The following NR2E1 variants were observed in gnomAD, a reference collection of about 807,000 sequenced individuals.
NR2E1 encodes nuclear receptor subfamily 2 group E member 1.
A neutral mutation model predicts 43.6 loss-of-function variants in NR2E1; 5 were observed. That is an observed-to-expected ratio of 0.11 (90% CI 0.06 to 0.24). The LOEUF (loss-of-function observed/expected upper bound fraction) is 0.24, where lower values mean the gene tolerates loss of function less well. Among genes scored for constraint, NR2E1 ranks in the 10% least tolerant of loss-of-function variants. The pLI, the probability that NR2E1 is intolerant of heterozygous loss-of-function variation, is 1.00. For missense variants in NR2E1, 287 were observed against 496.7 expected, an observed-to-expected ratio of 0.58 and a Z score of 4.01; for synonymous variants, 191 against 195.5, an observed-to-expected ratio of 0.98 and a Z score of 0.19.
In NR2E1 at chr6:108,171,800, T is replaced by C. The variant is rs959564231; in HGVS notation, c.171+197T>C. On this transcript the variant is annotated intron_variant, in intron 2 of 8. Transcript: ENST00000368986. ...AAAGGCGGGAAGAGGTAAGGGAAGA[T>C]ATGAGTTTACAGGAGGGAGTCTGAA... 6.6e-5 allele frequency among the ~76,000 whole-genome samples: 10 copies of C among 152,038 alleles called. No homozygotes were observed. In the East Asian group the frequency reaches 1.9e-3, roughly 30 times the overall value.
At position 108,171,431 on chromosome 6, in the gene NR2E1, C is replaced by A. The variant is rs2233489; in HGVS notation, c.26-27C>A. The stretch of plus-strand genomic sequence containing the variant: ...CTCCTTTCCCTCTCGCCCCTTCCCC[C>A]CTTCCCCGTCTTTCCTGCGATTTCA... On this transcript the variant is annotated intron_variant, in intron 1 of 8. Coordinates refer to ENST00000368986, the MANE Select transcript of NR2E1 (RefSeq NM_003269.5). 4 of 1,613,630 alleles carry A rather than the reference C, an allele frequency of 2.5e-6. 1 individual carries two copies. Among genetic ancestry groups the A allele is most frequent in the South Asian group, 2.2e-5 (2 of 91,070 alleles).
chr6:108,175,521 G>T (rs977074760), intron 3 of NR2E1, among the ~76,000 whole-genome samples: 1 of 152,234 alleles, frequency 6.6e-6, no homozygotes, highest in South Asian at 2.1e-4. Context: ...ACGCCCGTGG[G>T]TGCCTCGGAC....
intron 5 of NR2E1, among the ~76,000 whole-genome samples, chr6:108,179,492 CTGTGTGTGTGTG>C (rs34907033): frequency 6.3e-4 from 83 of 131,430 alleles, no homozygotes; most frequent in Admixed American, 1.4e-3. Context: ...TAACCACTTC[CTGTGTGTGTGTG>C]TGTGTGTGTG....
intron 1 of NR2E1, among the ~76,000 whole-genome samples, chr6:108,170,895 AC>A (rs1313600644): frequency 1.3e-5 from 2 of 152,154 alleles, no homozygotes; most frequent in African/African-American, 4.8e-5. Flanking sequence ...AATTACCACT[AC>A]CCTTATTATC....
In NR2E1 at chr6:108,166,940, A is replaced by G; in HGVS notation, c.25+150A>G. The G allele has an allele frequency of 1.2e-6, 1 of 851,398 alleles. No homozygotes were observed. The highest frequency in any genetic ancestry group is 1.5e-5 in the South Asian group (1 of 68,096). The allele number at this position is 851,398 out of a possible 1,614,324, so 52.7% of individuals were successfully genotyped here. On this transcript the variant is annotated intron_variant, in intron 1 of 8. Transcript: ENST00000368986. This position sits in a 1 kb window ranked among gnomAD's most constrained non-coding sequence, Gnocchi z 7.2. ...GTGTGCGTTCGGCCCAGACCTGTAG[A>G]CCGTGAGTTGGAGCATTTCGTGGAG...
chr6:108,173,424 C>T (rs1305542432), intron 2 of NR2E1, among the ~76,000 whole-genome samples: 3 of 152,202 alleles, frequency 2.0e-5, no homozygotes, highest in African/African-American at 7.2e-5. Flanking sequence ...TATCTCCTTT[C>T]TCTCTTATTC....
intron 2 of NR2E1, 38 bp downstream of exon 2, chr6:108,171,641 G>A (rs1366759690): frequency 1.2e-6 from 2 of 1,612,782 alleles, no homozygotes; most frequent in African/African-American, 1.3e-5. Context: ...GCTCCGCTCT[G>A]CTGCCTCCTC....
intron 1 of NR2E1, chr6:108,168,192 A>T: frequency 6.4e-7 from 1 of 1,560,230 alleles, no homozygotes; most frequent in Non-Finnish European, 8.7e-7. Context: ...TGTTGCCCGC[A>T]TTCCCGGGCG....
intron 8 of NR2E1, among the ~76,000 whole-genome samples, chr6:108,182,262 A>G (rs1185146642): frequency 6.7e-6 from 1 of 148,610 alleles, no homozygotes. Flanking sequence ...AAAAAAAAAA[A>G]GAAGCTCAAA....
At position 108,166,232 on chromosome 6, in the gene NR2E1, G is replaced by C. The variant is rs1212829704; in HGVS notation, c.-534G>C. On this transcript the variant is annotated 5_prime_UTR_variant, in exon 1 of 9. Transcript: ENST00000368986. This position sits in a 1 kb window ranked among gnomAD's most constrained non-coding sequence, Gnocchi z 7.2. ...TTTTCCCACTCTGCGCTTGGGTTCC[G>C]GCAGCGCGGAGCCCGTCTGCCTCTG... The C allele has an allele frequency of 6.5e-6, 1 of 152,684 alleles. No homozygotes were observed. The highest frequency in any genetic ancestry group is 1.5e-5 in the Non-Finnish European group (1 of 68,144). 9.5% of individuals were successfully genotyped at this position (152,684 alleles called of 1,614,324 possible). A position where few individuals can be genotyped will look rare whatever the true frequency, so the allele number is the denominator to read the frequency against.
At chr6:108,187,151 A>G in intron 8 of NR2E1, 150 bp from the exon 9 acceptor site, 1 of 915,580 alleles carries the variant, frequency 1.1e-6, no homozygotes. Flanking sequence ...CGGGGACAAC[A>G]GTGCCTGTCC....
intron 5 of NR2E1, among the ~76,000 whole-genome samples, chr6:108,179,594 T>G (rs1773953201): frequency 6.6e-6 from 1 of 151,880 alleles, no homozygotes; most frequent in South Asian, 2.1e-4. Context: ...AAAATTTACT[T>G]ACTGTCTGCC....
At chr6:108,173,878 A>G (rs2114673997) in intron 2 of NR2E1, among the ~76,000 whole-genome samples, 1 of 152,372 alleles carries the variant, frequency 6.6e-6, no homozygotes, top group South Asian at 2.1e-4. Context: ...TTCCTCTTTC[A>G]ATGGCTAATG....
chr6:108,174,215 G>A (rs1225699266), intron 2 of NR2E1, among the ~76,000 whole-genome samples: 1 of 152,180 alleles, frequency 6.6e-6, no homozygotes, highest in Non-Finnish European at 1.5e-5. Context: ...TCAACTTGCT[G>A]ATAATAAGGT....
chr6:108,178,073 T>C (rs1773928756), intron 4 of NR2E1, 22 bp from the exon 5 acceptor site: 1 of 1,614,006 alleles, frequency 6.2e-7, no homozygotes, highest in East Asian at 2.2e-5. Flanking sequence ...CTTCCAGGTG[T>C]CTTTCTTTCT....
chr6:108,179,965 T>A (rs1773959038), intron 5 of NR2E1, among the ~76,000 whole-genome samples: 1 of 152,170 alleles, frequency 6.6e-6, no homozygotes, highest in Admixed American at 6.5e-5. Flanking sequence ...AATAGCAGCA[T>A]TCTCTGTGAG....
At chr6:108,167,866 T>C (rs903571526) in intron 1 of NR2E1, among the ~76,000 whole-genome samples, 2 of 152,070 alleles carry the variant, frequency 1.3e-5, no homozygotes, top group African/African-American at 2.4e-5. Flanking sequence ...GAATCGGAGA[T>C]ACTTCTGAGG....
In NR2E1 at chr6:108,181,559, T is replaced by C; in HGVS notation, c.903T>C (p.Ser301=). The change falls in exon 8 of 9, where the codon AGT becomes AGC. Residue 301 remains serine, a synonymous_variant. Coordinates refer to ENST00000368986, the MANE Select transcript of NR2E1 (RefSeq NM_003269.5). ...IVTFKAVPTH[S]GSELRSFRNA... is the part of the protein sequence containing the mutation. ...CTTCATTTCTAGTTCCTACACATAGTGGTTCTGAACTGAGAAGTTTCCGGA... is the reference window on the plus strand; with the variant it reads ...CTTCATTTCTAGTTCCTACACATAGCGGTTCTGAACTGAGAAGTTTCCGGA... 6.2e-7 allele frequency: 1 copy of C among 1,613,854 alleles called. No homozygotes were observed.
chr6:108,175,386 A>G (rs1334403164), intron 3 of NR2E1, among the ~76,000 whole-genome samples: 1 of 152,238 alleles, frequency 6.6e-6, no homozygotes, highest in Non-Finnish European at 1.5e-5. Flanking sequence ...GAAAACGCGG[A>G]ATTTCCAGCC....
Sources: allele counts gnomAD v4.1 joint callset (sites outside exome capture counted in the v4.1 genomes callset), GRCh38; gene constraint gnomAD v4.1.1; non-coding constraint Gnocchi (gnomAD v3.1); transcripts MANE v1.5; gene names NCBI Gene and HGNC (gene_info 2026-07-23, HGNC 2026-07-21).